Variants in UBE2W observed in about 807,000 individuals in gnomAD.
UBE2W encodes the protein ubiquitin conjugating enzyme E2 W.
UBE2W carries 18 observed loss-of-function variants against 27.2 expected under a neutral mutation model. That is an observed-to-expected ratio of 0.66 (90% CI 0.46 to 0.98). The LOEUF is 0.98. Ranked by LOEUF, UBE2W falls within the 50% of genes least tolerant of loss-of-function variation. The pLI is 0.00. For missense variants in UBE2W, 90 were observed against 180.2 expected, an observed-to-expected ratio of 0.50 and a Z score of 2.87; for synonymous variants, 53 against 57.2, an observed-to-expected ratio of 0.93 and a Z score of 0.33.
At chr8:73,824,495 C>T (rs1809748398) in intron 3 of UBE2W, among the ~76,000 whole-genome samples, 1 of 152,180 alleles carries the variant, frequency 6.6e-6, no homozygotes, top group Non-Finnish European at 1.5e-5. Flanking sequence ...ACCATCTGAC[C>T]TAGGAGAAGT....
intron 1 of UBE2W, among the ~76,000 whole-genome samples, chr8:73,849,151 T>C (rs955798543): frequency 6.6e-6 from 1 of 152,172 alleles, no homozygotes; most frequent in African/African-American, 2.4e-5. Context: ...CTTGAGATTT[T>C]TCGTAAAAGT....
At chr8:73,806,629 G>A (rs62508049) in intron 4 of UBE2W, among the ~76,000 whole-genome samples, 4 of 149,708 alleles carry the variant, frequency 2.7e-5, no homozygotes, top group African/African-American at 4.9e-5. Flanking sequence ...GGAGAATGGC[G>A]TGAGACTGGG....
At chr8:73,870,126 G>T in intron 1 of UBE2W, 1 of 854,874 alleles carries the variant, frequency 1.2e-6, no homozygotes, top group Non-Finnish European at 1.9e-6. Context: ...CTTTAAAAGG[G>T]TAAGTTTTAT....
At chr8:73,845,204 G>C (rs910102515) in intron 1 of UBE2W, among the ~76,000 whole-genome samples, 5 of 152,242 alleles carry the variant, frequency 3.3e-5, no homozygotes, top group African/African-American at 1.2e-4. Context: ...CACCCTGTCT[G>C]GGAGGTGTAC....
In UBE2W at chr8:73,792,791, T is replaced by A. The variant is rs936195229; in HGVS notation, c.*1311A>T. The A allele has an allele frequency of 1.0e-5, 10 of 968,280 alleles. No individual in the cohort carries two copies. The highest frequency in any genetic ancestry group is 1.8e-5 in the African/African-American group (1 of 56,552). 60.0% of individuals were successfully genotyped at this position (968,280 alleles called of 1,614,324 possible). On this transcript the variant is annotated 3_prime_UTR_variant, in exon 6 of 6. Transcript: ENST00000602593. ...TACTGAGAACTGGACCTTTCAACAA[T>A]TTTTTTTTTCTATAGAAAGTTTCAT...
At chr8:73,782,107 ATT>A (rs61555781), downstream of UBE2W, among the ~76,000 whole-genome samples, 6 of 145,192 alleles carry the variant, frequency 4.1e-5, no homozygotes, top group African/African-American at 1.5e-4. Flanking sequence ...GGCCCGGCTA[ATT>A]TTTTTTTTTT....
chr8:73,828,414 C>T (rs1429167065), intron 2 of UBE2W, among the ~76,000 whole-genome samples: 2 of 152,174 alleles, frequency 1.3e-5, no homozygotes, highest in East Asian at 3.8e-4. Context: ...GATGCCATTT[C>T]ACTGCACTGC....
intron 1 of UBE2W, among the ~76,000 whole-genome samples, chr8:73,871,765 T>C (rs1336851470): frequency 1.3e-5 from 2 of 152,210 alleles, no homozygotes; most frequent in African/African-American, 4.8e-5. Context: ...TTTAGGTAAA[T>C]ACTAAGGAGA....
rs55682432 is a variant in UBE2W at position 73,796,084 on chromosome 8, A to AAG, written c.443-1970_443-1969insCT. Among the ~76,000 whole-genome samples the AAG allele has an allele frequency of 3.5e-3, 480 of 138,060 alleles. 6 individuals are homozygous for AAG. The highest frequency in any genetic ancestry group is 0.012 in the African/African-American group (408 of 32,646). The allele number at this position is 138,060 out of a possible 152,430, so 90.6% of individuals were successfully genotyped here. A position where few individuals can be genotyped will look rare whatever the true frequency, so the allele number is the denominator to read the frequency against. Reference sequence around the variant, plus strand: ...TCCAAAAAAAAAAAAAAAAAAAAAAAGGGGGATGTTCTTTAAATTATTGTG... The same window carrying AAG: ...TCCAAAAAAAAAAAAAAAAAAAAAAAAGGGGGGATGTTCTTTAAATTATTGTG... On this transcript the variant is annotated intron_variant, in intron 5 of 5. Transcript: ENST00000602593.
chr8:73,789,267 T>C lies in UBE2W; in HGVS notation c.*4835A>G, dbSNP rs1256448605. 1.5e-6 allele frequency: 1 copy of C among 647,456 alleles called. No homozygotes were observed. Among genetic ancestry groups the C allele is most frequent in the Non-Finnish European group, 1.8e-6 (1 of 546,672 alleles). 40.1% of individuals were successfully genotyped at this position (647,456 alleles called of 1,614,324 possible). ...AGGAGGAATGCTTGAGCCCAGGAATTCAAGATCAGCCTGGGCAACATGGTG... is the reference window on the plus strand; with the variant it reads ...AGGAGGAATGCTTGAGCCCAGGAATCCAAGATCAGCCTGGGCAACATGGTG... On this transcript the variant is annotated 3_prime_UTR_variant, in exon 6 of 6. Coordinates refer to ENST00000602593, the MANE Select transcript of UBE2W (RefSeq NM_018299.6).
chr8:73,844,174 C>CCCCCTT (rs71269949), intron 1 of UBE2W, among the ~76,000 whole-genome samples: 60 of 138,456 alleles, frequency 4.3e-4, no homozygotes, highest in South Asian at 6.7e-4. Flanking sequence ...CCCTCCCCCT[C>CCCCCTT]TGCACGGACT....
intron 3 of UBE2W, among the ~76,000 whole-genome samples, chr8:73,818,804 G>A (rs939110682): frequency 2.0e-5 from 3 of 152,152 alleles, no homozygotes; most frequent in African/African-American, 4.8e-5. Context: ...TCCCACTCTC[G>A]CCATGTGAGA....
At chr8:73,872,757 AAAG>A (rs527617719) in intron 1 of UBE2W, among the ~76,000 whole-genome samples, 4 of 152,234 alleles carry the variant, frequency 2.6e-5, no homozygotes, top group East Asian at 1.9e-4. Flanking sequence ...TAGCTAAAGA[AAAG>A]AAGAAATATT....
chr8:73,822,602 CAAAAAAAAAAAA>C (rs67427702), intron 3 of UBE2W, among the ~76,000 whole-genome samples: 29 of 51,224 alleles, frequency 5.7e-4, no homozygotes, highest in South Asian at 2.6e-3. Context: ...CTTGCAACTG[CAAAAAAAAAAAA>C]AAAAAAAAAA....
At chr8:73,878,301 G>C (rs1476783553) in intron 1 of UBE2W, among the ~76,000 whole-genome samples, 1 of 152,232 alleles carries the variant, frequency 6.6e-6, no homozygotes, top group Admixed American at 6.5e-5. Flanking sequence ...CCCGGCGTGG[G>C]AGGCCGGAGC....
intron 1 of UBE2W, among the ~76,000 whole-genome samples, chr8:73,877,719 G>C (rs1190185686): frequency 6.6e-6 from 1 of 152,188 alleles, no homozygotes; most frequent in Non-Finnish European, 1.5e-5. Context: ...CTCCTATTGA[G>C]CGTTCTACTT....
chr8:73,817,120 T>C (rs990737025), intron 3 of UBE2W, among the ~76,000 whole-genome samples: 2 of 151,832 alleles, frequency 1.3e-5, no homozygotes, highest in African/African-American at 2.4e-5. Context: ...GGTCAGGAGT[T>C]TGAGACCAGC....
chr8:73,808,134 T>C (rs531570909), intron 4 of UBE2W, among the ~76,000 whole-genome samples: 10 of 152,340 alleles, frequency 6.6e-5, no homozygotes, highest in Middle Eastern at 3.4e-3. Context: ...TATTTAATAG[T>C]AGTAGAATTA....
chr8:73,793,055 AAACTT>A lies in UBE2W; in HGVS notation c.*1042_*1046del. ...ACAAGTAAAGAAAATTTACAAGAAA[AAACTT>A]AACAAAAGTTTCAATAAAAGTATTG... On this transcript the variant is annotated 3_prime_UTR_variant, in exon 6 of 6. Coordinates refer to ENST00000602593, the MANE Select transcript of UBE2W (RefSeq NM_018299.6). The A allele has an allele frequency of 1.0e-6, 1 of 985,616 alleles. No homozygotes were observed. Among genetic ancestry groups the A allele is most frequent in the Non-Finnish European group, 1.2e-6 (1 of 829,688 alleles). 61.1% of individuals were successfully genotyped at this position (985,616 alleles called of 1,614,324 possible).
Sources: gnomAD v4.1 joint callset for allele counts (sites outside exome capture counted in the v4.1 genomes callset) on GRCh38, gnomAD v4.1.1 for gene constraint, MANE v1.5 for transcripts, NCBI Gene and HGNC (gene_info 2026-07-23, HGNC 2026-07-21) for gene names.